The following IL1RAPL2 variants were observed in gnomAD, a reference collection of about 807,000 sequenced individuals.
IL1RAPL2 encodes X-linked interleukin-1 receptor accessory protein-like 2.
A neutral mutation model predicts 44.1 loss-of-function variants in IL1RAPL2; 3 were observed. The ratio of observed to expected loss-of-function variants is 0.07; its 90% CI spans 0.03 to 0.18. The LOEUF (loss-of-function observed/expected upper bound fraction) is 0.18. IL1RAPL2 is among the 10% of genes least tolerant of loss of function. IL1RAPL2 has a pLI of 1.00. For synonymous variants in IL1RAPL2, 181 were observed against 178.8 expected (o/e 1.01, Z -0.10); for missense variants, 391 against 496.4 (o/e 0.79, Z 2.02).
intron 2 of IL1RAPL2, among the ~76,000 whole-genome samples, chrX:104,738,281 T>C (rs1032794291): frequency 1.8e-5 from 2 of 111,969 alleles, no homozygotes; most frequent in African/African-American, 6.5e-5. Flanking sequence ...CTTCTAAAAA[T>C]AGGATAAGCT....
At chrX:104,892,759 A>AT (rs745474581) in intron 2 of IL1RAPL2, among the ~76,000 whole-genome samples, 165 of 111,069 alleles carry the variant, frequency 1.5e-3, no homozygotes, top group African/African-American at 5.0e-3. Context: ...GGATTCATTG[A>AT]TTTTTTGAAG....
intron 5 of IL1RAPL2, among the ~76,000 whole-genome samples, chrX:105,413,083 T>G (rs142668370): frequency 0.015 from 1,664 of 112,152 alleles, 10 homozygotes; most frequent in Middle Eastern, 0.042. Context: ...GATTCTGTAT[T>G]ACAGTATATG....
In IL1RAPL2 at chrX:105,600,681, G is replaced by T. The variant is rs181514280; in HGVS notation, c.772+116294G>T. On this transcript the variant is annotated intron_variant, in intron 6 of 10. Transcript: ENST00000372582. ...ATTTGATTAATAATATTTGATAATAGAATATTTAATTAATTTAATTGATAA... is the reference window on the plus strand; with the variant it reads ...ATTTGATTAATAATATTTGATAATATAATATTTAATTAATTTAATTGATAA... Among the ~76,000 whole-genome samples, 818 of 106,575 alleles carry T rather than the reference G, an allele frequency of 7.7e-3. 7 individuals carry two copies. Among genetic ancestry groups the T allele is most frequent in the African/African-American group, 0.026 (764 of 29,476 alleles). 92.5% of individuals were successfully genotyped at this position (106,575 alleles called of 115,157 possible). A position where few individuals can be genotyped will look rare whatever the true frequency, so the allele number is the denominator to read the frequency against.
chrX:104,662,133 G>A (rs1930412930), intron 2 of IL1RAPL2, among the ~76,000 whole-genome samples: 1 of 111,929 alleles, frequency 8.9e-6, no homozygotes, highest in Admixed American at 9.5e-5. Context: ...TGGTTTTGGA[G>A]GTTGGTTTGT....
chrX:105,678,861 A>G (rs900081243), intron 6 of IL1RAPL2, among the ~76,000 whole-genome samples: 1 of 111,378 alleles, frequency 9.0e-6, no homozygotes, highest in Non-Finnish European at 1.9e-5. Context: ...TATATTGCAT[A>G]TAACTAAAAC....
At chrX:105,141,021 A>T (rs984585560) in intron 2 of IL1RAPL2, among the ~76,000 whole-genome samples, 3 of 111,914 alleles carry the variant, frequency 2.7e-5, no homozygotes, top group African/African-American at 9.7e-5. Flanking sequence ...CTGATAAATG[A>T]ATCTATAATG....
chrX:105,249,763 C>T (rs1023925896), intron 4 of IL1RAPL2, among the ~76,000 whole-genome samples: 5 of 111,691 alleles, frequency 4.5e-5, no homozygotes, highest in African/African-American at 1.6e-4. Flanking sequence ...GAATGCAAAA[C>T]AATACAGCCA....
At chrX:105,388,660 C>G (rs1053462456) in intron 5 of IL1RAPL2, among the ~76,000 whole-genome samples, 3 of 110,821 alleles carry the variant, frequency 2.7e-5, no homozygotes, top group African/African-American at 9.8e-5. Flanking sequence ...AGGCTTGCAT[C>G]CCTCAATCTC....
chrX:105,132,036 G>A (rs1002384192), intron 2 of IL1RAPL2, among the ~76,000 whole-genome samples: 11 of 109,822 alleles, frequency 1.0e-4, no homozygotes, highest in Admixed American at 8.8e-4. Flanking sequence ...CCTTTAATTC[G>A]TGGCAGGGAG....
chrX:105,132,030 T>C (rs1398735437), intron 2 of IL1RAPL2, among the ~76,000 whole-genome samples: 2 of 110,466 alleles, frequency 1.8e-5, no homozygotes, highest in East Asian at 5.7e-4. Flanking sequence ...CCTATTCCTT[T>C]AATTCGTGGC....
intron 7 of IL1RAPL2, among the ~76,000 whole-genome samples, chrX:105,718,698 T>C (rs1275374397): frequency 2.7e-5 from 3 of 111,263 alleles, no homozygotes; most frequent in Admixed American, 1.9e-4. Context: ...GGTGGGTGGA[T>C]TGCTTGAGCT....
At chrX:105,469,252 C>A (rs1358452205) in intron 5 of IL1RAPL2, among the ~76,000 whole-genome samples, 1 of 110,723 alleles carries the variant, frequency 9.0e-6, no homozygotes, top group African/African-American at 3.3e-5. Flanking sequence ...AAACATGTCA[C>A]CTGAAAGACA....
intron 2 of IL1RAPL2, among the ~76,000 whole-genome samples, chrX:104,917,710 A>G (rs768378739): frequency 8.9e-6 from 1 of 112,169 alleles, no homozygotes; most frequent in Non-Finnish European, 1.9e-5. Context: ...GTAAGAATTT[A>G]AACACCAGGG....
chrX:105,138,935 C>T (rs932561343), intron 2 of IL1RAPL2, among the ~76,000 whole-genome samples: 1 of 111,071 alleles, frequency 9.0e-6, no homozygotes, highest in Non-Finnish European at 1.9e-5. Flanking sequence ...TTCAGACTTC[C>T]ACAGAGATAA....
At chrX:105,136,678 G>A (rs1422695492) in intron 2 of IL1RAPL2, among the ~76,000 whole-genome samples, 1 of 112,168 alleles carries the variant, frequency 8.9e-6, no homozygotes, top group Non-Finnish European at 1.9e-5. Flanking sequence ...TAGTTGACAG[G>A]AGGTTGTAAC....
chrX:105,009,366 T>C (rs1473461599), intron 2 of IL1RAPL2, among the ~76,000 whole-genome samples: 2 of 109,592 alleles, frequency 1.8e-5, no homozygotes, highest in Admixed American at 2.0e-4. Flanking sequence ...CCAACAATGA[T>C]AGACTGGATT....
At chrX:105,611,305 A>AT (rs1007605688) in intron 6 of IL1RAPL2, among the ~76,000 whole-genome samples, 14 of 111,608 alleles carry the variant, frequency 1.3e-4, no homozygotes, top group African/African-American at 4.2e-4. Context: ...CTGTTAAATA[A>AT]TTTTTTTAAT....
At chrX:105,048,302 C>T (rs1459142255) in intron 2 of IL1RAPL2, among the ~76,000 whole-genome samples, 2 of 112,078 alleles carry the variant, frequency 1.8e-5, no homozygotes, top group Non-Finnish European at 3.8e-5. Flanking sequence ...AATATTATTT[C>T]ACTTACTTAA....
In IL1RAPL2 at chrX:104,686,986, T is replaced by A. The variant is rs370537420; in HGVS notation, c.82+27991T>A. 3.7e-4 allele frequency among the ~76,000 whole-genome samples: 42 copies of A among 112,226 alleles called. No individual in the cohort carries two copies. In the East Asian group the frequency reaches 5.4e-3, roughly 14 times the overall value. The stretch of plus-strand genomic sequence containing the variant: ...GACATGTAAGACTTCCTTCAGTGCT[T>A]GCAACAACCGTACAATAGGTGCTAC... On this transcript the variant is annotated intron_variant, in intron 2 of 10. Transcript: ENST00000372582.
Sources: allele counts gnomAD v4.1 joint callset (sites outside exome capture counted in the v4.1 genomes callset), GRCh38; gene constraint gnomAD v4.1.1; transcripts MANE v1.5; gene names NCBI Gene and HGNC (gene_info 2026-07-23, HGNC 2026-07-21).